CNTNAP5: variants seen among roughly 807,000 people sequenced by gnomAD.
CNTNAP5 encodes the protein contactin-associated protein-like 5.
CNTNAP5 carries 72 observed loss-of-function variants against 150.2 expected under a neutral mutation model. That is an observed-to-expected ratio of 0.48 (90% CI 0.40 to 0.58). The LOEUF (loss-of-function observed/expected upper bound fraction) is 0.58, where lower values mean the gene tolerates loss of function less well. Ranked by LOEUF, CNTNAP5 falls within the 20% of genes least tolerant of loss-of-function variation. The pLI, the probability that CNTNAP5 is intolerant of heterozygous loss-of-function variation, is 0.00. For missense variants in CNTNAP5, 1,636 were observed against 1,626.2 expected, an observed-to-expected ratio of 1.01 and a Z score of -0.10; for synonymous variants, 672 against 619.8, an observed-to-expected ratio of 1.08 and a Z score of -1.25.
intron 1 of CNTNAP5, among the ~76,000 whole-genome samples, chr2:124,180,788 C>A (rs531522345): frequency 2.8e-4 from 42 of 148,894 alleles, no homozygotes; most frequent in African/African-American, 1.0e-3. Flanking sequence ...AATCTCCCCC[C>A]AAATAATTCA....
chr2:124,508,920 T>C (rs546215559), intron 8 of CNTNAP5, among the ~76,000 whole-genome samples: 1 of 152,318 alleles, frequency 6.6e-6, no homozygotes, highest in Non-Finnish European at 1.5e-5. Context: ...GAGCTTATAT[T>C]GGCTTTAAAA....
intron 3 of CNTNAP5, among the ~76,000 whole-genome samples, chr2:124,311,195 T>A (rs1298196337): frequency 6.6e-6 from 1 of 152,222 alleles, no homozygotes; most frequent in Non-Finnish European, 1.5e-5. Context: ...TTTCCCTGCC[T>A]GTATTAATCC....
At chr2:124,477,455 G>T (rs536059459) in intron 7 of CNTNAP5, among the ~76,000 whole-genome samples, 147 of 152,178 alleles carry the variant, frequency 9.7e-4, no homozygotes, top group African/African-American at 3.5e-3. Flanking sequence ...AAAGGTTTGT[G>T]TCAAGTCCCT....
chr2:124,643,680 A>G (rs1573517998), intron 12 of CNTNAP5, among the ~76,000 whole-genome samples: 1 of 152,308 alleles, frequency 6.6e-6, no homozygotes, highest in Middle Eastern at 3.4e-3. Context: ...GTCTTTACTC[A>G]TTTGAGTGCC....
chr2:124,571,536 T>TTTTTC (rs1696159220), intron 11 of CNTNAP5, among the ~76,000 whole-genome samples: 1 of 100,370 alleles, frequency 1.0e-5, no homozygotes, highest in African/African-American at 3.9e-5. Context: ...TCTTTTTTTT[T>TTTTTC]TTTTTTTTTT....
chr2:124,542,928 C>G (rs1310658752), intron 10 of CNTNAP5, among the ~76,000 whole-genome samples: 2 of 152,178 alleles, frequency 1.3e-5, no homozygotes. Flanking sequence ...GCAAGTATTG[C>G]CTCAAGATAT....
intron 19 of CNTNAP5, among the ~76,000 whole-genome samples, chr2:124,849,973 G>A (rs1683122862): frequency 6.6e-6 from 1 of 152,112 alleles, no homozygotes; most frequent in African/African-American, 2.4e-5. Context: ...CAAATTAGAG[G>A]GAAGAACTGT....
intron 13 of CNTNAP5, among the ~76,000 whole-genome samples, chr2:124,655,939 GAGAGAGAGAAAGAA>G (rs1158083999): frequency 1.2e-3 from 125 of 103,058 alleles, no homozygotes; most frequent in African/African-American, 4.8e-3. Context: ...GAGAGAGAGA[GAGAGAGAGAAAGAA>G]AGAAAGAAAG....
At chr2:124,806,853 A>C (rs1489301390) in intron 19 of CNTNAP5, among the ~76,000 whole-genome samples, 1 of 152,132 alleles carries the variant, frequency 6.6e-6, no homozygotes, top group Non-Finnish European at 1.5e-5. Context: ...GCATAAATAC[A>C]AAGAAGGGTT....
chr2:124,164,843 A>G (rs1167435867), intron 1 of CNTNAP5, among the ~76,000 whole-genome samples: 1 of 152,182 alleles, frequency 6.6e-6, no homozygotes, highest in East Asian at 1.9e-4. Flanking sequence ...TGTAGAGGGT[A>G]GATCTCAGCT....
intron 13 of CNTNAP5, among the ~76,000 whole-genome samples, chr2:124,745,571 C>T (rs1680587564): frequency 6.6e-6 from 1 of 152,092 alleles, no homozygotes; most frequent in Admixed American, 6.6e-5. Context: ...AGGAAGAAAA[C>T]AATTCATGTG....
At chr2:124,663,935 T>A (rs1678645247) in intron 13 of CNTNAP5, among the ~76,000 whole-genome samples, 1 of 152,156 alleles carries the variant, frequency 6.6e-6, no homozygotes, top group South Asian at 2.1e-4. Context: ...GGATGAATTC[T>A]TTGGTGGTAA....
At chr2:124,642,773 A>T (rs1053326708) in intron 12 of CNTNAP5, among the ~76,000 whole-genome samples, 3 of 152,028 alleles carry the variant, frequency 2.0e-5, no homozygotes, top group African/African-American at 7.2e-5. Flanking sequence ...ACTCTGGTGG[A>T]TAGCAGAGCA....
intron 8 of CNTNAP5, among the ~76,000 whole-genome samples, chr2:124,505,192 TATAAACATGGC>T (rs1694374711): frequency 6.6e-6 from 1 of 152,194 alleles, no homozygotes. Context: ...CTAGGTTCTC[TATAAACATGGC>T]ATGTTTCATA....
intron 11 of CNTNAP5, among the ~76,000 whole-genome samples, chr2:124,587,401 GAAGA>G (rs1696561654): frequency 6.6e-6 from 1 of 152,116 alleles, no homozygotes; most frequent in South Asian, 2.1e-4. Context: ...GCCCCAGAAG[GAAGA>G]AATATTTATA....
chr2:124,432,435 A>AT (rs932659536), intron 4 of CNTNAP5, among the ~76,000 whole-genome samples: 13 of 152,106 alleles, frequency 8.5e-5, no homozygotes, highest in African/African-American at 2.9e-4. Context: ...AAAGGCCAAT[A>AT]TACCACTCAC....
intron 12 of CNTNAP5, 149 bp from the exon 13 acceptor site, chr2:124,647,609 G>A: frequency 3.1e-6 from 2 of 640,626 alleles, no homozygotes; most frequent in Non-Finnish European, 5.0e-6. Flanking sequence ...GGAGCTCCAT[G>A]GGGAAACACA....
chr2:124,498,510 G>A (rs149887994), intron 7 of CNTNAP5, among the ~76,000 whole-genome samples: 2 of 152,190 alleles, frequency 1.3e-5, no homozygotes, highest in African/African-American at 2.4e-5. Context: ...TCATGTTGCC[G>A]AGGCAGATCT....
At chr2:124,154,779 C>T (rs1684484678) in intron 1 of CNTNAP5, among the ~76,000 whole-genome samples, 1 of 152,138 alleles carries the variant, frequency 6.6e-6, no homozygotes, top group African/African-American at 2.4e-5. Context: ...AATGCAGCCT[C>T]AAGCCCAGGG....
Sources: allele counts gnomAD v4.1 joint callset (sites outside exome capture counted in the v4.1 genomes callset), GRCh38; gene constraint gnomAD v4.1.1; transcripts MANE v1.5; gene names NCBI Gene and HGNC (gene_info 2026-07-23, HGNC 2026-07-21).